Variants in SLC25A48 observed in about 807,000 individuals in gnomAD.
The protein encoded by SLC25A48 is solute carrier family 25 member 48, also known as CTC-321K16.1.
Under a neutral mutation model 32.2 loss-of-function variants are expected in SLC25A48, and 29 were observed. The ratio of observed to expected loss-of-function variants is 0.90; its 90% confidence interval spans 0.67 to 1.23. The LOEUF is 1.23. Ranked by LOEUF, SLC25A48 falls within the 50% of genes most tolerant of loss-of-function variation. SLC25A48 has a pLI of 0.00. For synonymous variants in SLC25A48, 164 were observed against 172.3 expected, an observed-to-expected ratio of 0.95 and a Z score of 0.38; for missense variants, 399 against 422.7, an observed-to-expected ratio of 0.94 and a Z score of 0.49.
chr5:135,682,831 C>T (rs1251314088), intron 3 of SLC25A48, among the ~76,000 whole-genome samples: 1 of 152,176 alleles, frequency 6.6e-6, no homozygotes, highest in East Asian at 1.9e-4. Flanking sequence ...ATACCTTATA[C>T]TGGCACAGTG....
intron 4 of SLC25A48, among the ~76,000 whole-genome samples, chr5:135,871,088 CACACA>C (rs979663466): frequency 3.1e-5 from 4 of 129,008 alleles, no homozygotes; most frequent in African/African-American, 1.1e-4. Flanking sequence ...CACACACACA[CACACA>C]CACACACACA....
chr5:135,615,669 T>C (rs1580725513), intron 1 of SLC25A48, among the ~76,000 whole-genome samples: 3 of 152,196 alleles, frequency 2.0e-5, no homozygotes, highest in African/African-American at 2.4e-5. Flanking sequence ...ACCCATTTTC[T>C]GGGGAGGAAT....
intron 4 of SLC25A48, among the ~76,000 whole-genome samples, chr5:135,863,670 G>A (rs564895103): frequency 2.6e-5 from 4 of 152,148 alleles, no homozygotes; most frequent in Admixed American, 6.5e-5. Context: ...TTATTTTACA[G>A]GTGAGAAAAC....
At chr5:135,638,564 G>A (rs143264368) in intron 3 of SLC25A48, among the ~76,000 whole-genome samples, 1 of 152,194 alleles carries the variant, frequency 6.6e-6, no homozygotes, top group Non-Finnish European at 1.5e-5. Context: ...TTTCTGAGTT[G>A]TGTGCAGTGG....
intron 3 of SLC25A48, among the ~76,000 whole-genome samples, chr5:135,703,952 G>A (rs1754452073): frequency 6.6e-6 from 1 of 152,232 alleles, no homozygotes; most frequent in Non-Finnish European, 1.5e-5. Context: ...CACAATGCCA[G>A]ACTCAGTGTT....
intron 3 of SLC25A48, among the ~76,000 whole-genome samples, chr5:135,778,133 G>T (rs1364426875): frequency 2.0e-5 from 3 of 151,666 alleles, no homozygotes; most frequent in Non-Finnish European, 4.4e-5. Flanking sequence ...ATAGCAGGGG[G>T]TGTACATGCG....
intron 3 of SLC25A48, among the ~76,000 whole-genome samples, chr5:135,722,996 C>T (rs1312158992): frequency 1.3e-5 from 2 of 152,244 alleles, no homozygotes; most frequent in Non-Finnish European, 2.9e-5. Flanking sequence ...CCTGATGTTC[C>T]TGCATGACCG....
intron 3 of SLC25A48, chr5:135,648,508 C>T (rs1238335870): frequency 1.3e-5 from 2 of 152,256 alleles, no homozygotes; most frequent in African/African-American, 4.8e-5. Context: ...TTTTTCTTTT[C>T]ATGAAATGGA....
chr5:135,818,094 T>C (rs867947260), intron 4 of SLC25A48, among the ~76,000 whole-genome samples: 60 of 142,466 alleles, frequency 4.2e-4, no homozygotes, highest in Non-Finnish European at 5.7e-4. Flanking sequence ...TCTCTCTCTC[T>C]CTCTCTCTCT....
intron 3 of SLC25A48, among the ~76,000 whole-genome samples, chr5:135,809,028 G>A (rs1445885806): frequency 2.0e-5 from 3 of 151,890 alleles, no homozygotes; most frequent in African/African-American, 4.8e-5. Context: ...AGGCTGGGTC[G>A]GGGGGGCTCA....
intron 3 of SLC25A48, among the ~76,000 whole-genome samples, chr5:135,741,771 CCTT>C (rs1755506361): frequency 6.6e-6 from 1 of 152,078 alleles, no homozygotes. Context: ...ATGTGAATGC[CCTT>C]CTTAGTTCAC....
At chr5:135,858,310 C>T (rs372114680) in intron 4 of SLC25A48, among the ~76,000 whole-genome samples, 3 of 152,196 alleles carry the variant, frequency 2.0e-5, no homozygotes, top group African/African-American at 4.8e-5. Flanking sequence ...AACCTGGGCT[C>T]ATCGGCTTAG....
At chr5:135,794,798 T>C (rs529237910) in intron 3 of SLC25A48, among the ~76,000 whole-genome samples, 33 of 151,172 alleles carry the variant, frequency 2.2e-4, no homozygotes, top group African/African-American at 6.8e-4. Flanking sequence ...TTGCAGGGGG[T>C]AGACACTCCC....
At chr5:135,653,817 C>T (rs753571422) in intron 3 of SLC25A48, 40 of 456,064 alleles carry the variant, frequency 8.8e-5, no homozygotes, top group South Asian at 3.4e-4. Context: ...TCATTGACAG[C>T]GGGTATTTCC....
At chr5:135,609,209 T>G (rs1180219645) in intron 1 of SLC25A48, 1 of 152,222 alleles carries the variant, frequency 6.6e-6, no homozygotes, top group Non-Finnish European at 1.5e-5. Context: ...TACCACCTCA[T>G]CTATCCCTCA....
At chr5:135,729,015 C>G (rs1755163472) in intron 3 of SLC25A48, among the ~76,000 whole-genome samples, 1 of 152,136 alleles carries the variant, frequency 6.6e-6, no homozygotes, top group South Asian at 2.1e-4. Context: ...CTACTGCTAA[C>G]CCCAGATGCA....
intron 3 of SLC25A48, among the ~76,000 whole-genome samples, chr5:135,713,621 G>T (rs1754721942): frequency 6.6e-6 from 1 of 152,202 alleles, no homozygotes; most frequent in Non-Finnish European, 1.5e-5. Flanking sequence ...TCCAACCTCA[G>T]GCTTCCAACT....
intron 4 of SLC25A48, among the ~76,000 whole-genome samples, chr5:135,814,118 G>A (rs886686830): frequency 2.0e-5 from 3 of 152,198 alleles, no homozygotes; most frequent in African/African-American, 7.2e-5. Flanking sequence ...CTGCAGTTGA[G>A]CCAGGTGTTG....
At chr5:135,592,016 G>A (rs1172690269) in intron 1 of SLC25A48, among the ~76,000 whole-genome samples, 1 of 152,150 alleles carries the variant, frequency 6.6e-6, no homozygotes, top group African/African-American at 2.4e-5. Flanking sequence ...AGGCCTTTGA[G>A]AACCACAAAG....
Sources: allele counts gnomAD v4.1 joint callset (sites outside exome capture counted in the v4.1 genomes callset), GRCh38; gene constraint gnomAD v4.1.1; transcripts MANE v1.5; gene names NCBI Gene and HGNC (gene_info 2026-07-23, HGNC 2026-07-21).